Variants in PRR16 observed in about 807,000 individuals in gnomAD.
The protein encoded by PRR16 is proline rich 16.
A neutral mutation model predicts 18.2 loss-of-function variants in PRR16; 6 were observed. That is an observed-to-expected ratio of 0.33 (90% confidence interval 0.18 to 0.65). PRR16 has a LOEUF of 0.65. Among genes scored for constraint, PRR16 ranks in the 30% least tolerant of loss-of-function variants. PRR16 has a pLI of 0.74. For missense variants in PRR16, 412 were observed against 376.6 expected, an observed-to-expected ratio of 1.09 and a Z score of -0.78; for synonymous variants, 151 against 147.8, an observed-to-expected ratio of 1.02 and a Z score of -0.16.
chr5:120,669,059 T>C (rs1756498265), intron 1 of PRR16, among the ~76,000 whole-genome samples: 1 of 152,214 alleles, frequency 6.6e-6, no homozygotes, highest in African/African-American at 2.4e-5. Flanking sequence ...TTTTTTCTAA[T>C]GTGCCATAAG....
the PRR16 span, among the ~76,000 whole-genome samples, chr5:120,751,542 AT>A: frequency 5.3e-5 from 8 of 150,662 alleles, no homozygotes; most frequent in South Asian, 6.3e-4. Flanking sequence ...GATATTGGGC[AT>A]TTTTTTTTAA....
chr5:120,635,456 G>A (rs1394731009), intron 1 of PRR16, among the ~76,000 whole-genome samples: 1 of 152,106 alleles, frequency 6.6e-6, no homozygotes, highest in African/African-American at 2.4e-5. Flanking sequence ...TGCAGGGATG[G>A]TTTAACATAC....
chr5:120,601,240 T>A (rs1299586896), intron 1 of PRR16, among the ~76,000 whole-genome samples: 1 of 152,036 alleles, frequency 6.6e-6, no homozygotes, highest in Non-Finnish European at 1.5e-5. Flanking sequence ...ACATCTATTA[T>A]TTTTTGACTT....
intron 1 of PRR16, among the ~76,000 whole-genome samples, chr5:120,619,582 A>G (rs1580794913): frequency 6.6e-6 from 1 of 152,092 alleles, no homozygotes; most frequent in Admixed American, 6.6e-5. Context: ...CTATACTAGC[A>G]TACTAATGAA....
downstream of PRR16, among the ~76,000 whole-genome samples, chr5:120,688,477 A>G (rs1402152648): frequency 6.6e-6 from 1 of 152,170 alleles, no homozygotes; most frequent in African/African-American, 2.4e-5. Context: ...CAGGTAAATT[A>G]TAGACTTATT....
intron 1 of PRR16, among the ~76,000 whole-genome samples, chr5:120,613,395 A>T (rs1326989338): frequency 6.6e-6 from 1 of 151,620 alleles, no homozygotes; most frequent in Non-Finnish European, 1.5e-5. Flanking sequence ...TACATTTTTT[A>T]AAATCCTATT....
intron 1 of PRR16, among the ~76,000 whole-genome samples, chr5:120,677,590 T>C (rs1279052056): frequency 6.6e-6 from 1 of 152,162 alleles, no homozygotes; most frequent in Admixed American, 6.5e-5. Flanking sequence ...TTAAAGATCT[T>C]ACAGGAATCT....
chr5:120,701,351 T>G, the PRR16 span, among the ~76,000 whole-genome samples: 1 of 152,164 alleles, frequency 6.6e-6, no homozygotes, highest in Non-Finnish European at 1.5e-5. Context: ...GGCTGTAAAG[T>G]GTCTCAGGGT....
At chr5:120,673,426 AG>A (rs1390374914) in intron 1 of PRR16, among the ~76,000 whole-genome samples, 1 of 152,258 alleles carries the variant, frequency 6.6e-6, no homozygotes, top group African/African-American at 2.4e-5. Flanking sequence ...GTCTTTAAAA[AG>A]CACATAAACA....
the PRR16 span, among the ~76,000 whole-genome samples, chr5:120,692,852 A>G: frequency 6.6e-6 from 1 of 152,176 alleles, no homozygotes; most frequent in African/African-American, 2.4e-5. Flanking sequence ...TTTTATTACA[A>G]CTTTTAACAA....
At chr5:120,579,799 G>A (rs1400261374) in intron 1 of PRR16, among the ~76,000 whole-genome samples, 3 of 152,080 alleles carry the variant, frequency 2.0e-5, no homozygotes, top group Non-Finnish European at 4.4e-5. Flanking sequence ...AGTTTGATGG[G>A]AATAGCATTG....
chr5:120,744,751 C>T, the PRR16 span, among the ~76,000 whole-genome samples: 2 of 152,156 alleles, frequency 1.3e-5, no homozygotes, highest in South Asian at 2.1e-4. Flanking sequence ...TAAATACTTT[C>T]TTTTCCCTTA....
At chr5:120,713,012 C>T in the PRR16 span, among the ~76,000 whole-genome samples, 3 of 152,148 alleles carry the variant, frequency 2.0e-5, no homozygotes, top group African/African-American at 7.2e-5. Context: ...GATATCTGCA[C>T]TCCTGTCTTC....
chr5:120,741,721 C>A, the PRR16 span, among the ~76,000 whole-genome samples: 1 of 152,122 alleles, frequency 6.6e-6, no homozygotes, highest in East Asian at 1.9e-4. Context: ...CCTGTCTCAG[C>A]CTCCGAGTAG....
the PRR16 span, among the ~76,000 whole-genome samples, chr5:120,711,249 G>T: frequency 1.2e-4 from 19 of 152,084 alleles, no homozygotes; most frequent in African/African-American, 4.6e-4. Context: ...TAGAATGTGG[G>T]CATCTTTGGA....
chr5:120,515,400 T>C (rs1350409797), intron 1 of PRR16, among the ~76,000 whole-genome samples: 1 of 152,204 alleles, frequency 6.6e-6, no homozygotes, highest in Non-Finnish European at 1.5e-5. Context: ...ATGTCATATA[T>C]TTTATCCTAT....
chr5:120,674,698 T>C (rs1756735578), intron 1 of PRR16, among the ~76,000 whole-genome samples: 1 of 152,084 alleles, frequency 6.6e-6, no homozygotes, highest in Non-Finnish European at 1.5e-5. Context: ...CTTCCATTAT[T>C]TATTTTATTA....
At chr5:120,612,499 T>A (rs1754367778) in intron 1 of PRR16, among the ~76,000 whole-genome samples, 1 of 152,194 alleles carries the variant, frequency 6.6e-6, no homozygotes, top group Admixed American at 6.5e-5. Flanking sequence ...TTTCCCATGC[T>A]ATTCTCGTGA....
intron 1 of PRR16, among the ~76,000 whole-genome samples, chr5:120,655,271 G>C (rs1337935782): frequency 6.6e-6 from 1 of 151,074 alleles, no homozygotes; most frequent in Non-Finnish European, 1.5e-5. Flanking sequence ...TTAGCTGATA[G>C]ACATTAAGTC....
Sources: gnomAD v4.1 joint callset for allele counts (sites outside exome capture counted in the v4.1 genomes callset) on GRCh38, gnomAD v4.1.1 for gene constraint, MANE v1.5 for transcripts, NCBI Gene and HGNC (gene_info 2026-07-23, HGNC 2026-07-21) for gene names.